Variants in UGT8 observed in about 807,000 individuals in gnomAD.
UGT8 encodes UDP glycosyltransferase 8, also known as 2-hydroxyacylsphingosine 1-beta-galactosyltransferase.
A neutral mutation model predicts 40.5 loss-of-function variants in UGT8; 12 were observed. The ratio of observed to expected loss-of-function variants is 0.30; its 90% CI spans 0.19 to 0.48. UGT8 has a LOEUF of 0.48. UGT8 is among the 20% of genes least tolerant of loss of function. The probability of loss-of-function intolerance (pLI) is 0.99; values close to 1 mark genes in which losing one functional copy is unlikely to be tolerated. For missense variants in UGT8, 513 were observed against 648.7 expected (o/e 0.79, Z 2.27); for synonymous variants, 224 against 240.4 (o/e 0.93, Z 0.63).
At chr4:114,622,252 A>G (rs1259111414) in intron 1 of UGT8, 8 of 151,006 alleles carry the variant, frequency 5.3e-5, no homozygotes, top group Non-Finnish European at 1.2e-4. Flanking sequence ...ATGATTTCCA[A>G]TTTCATCCAT....
chr4:114,648,184 G>A (rs1733691044), intron 2 of UGT8, among the ~76,000 whole-genome samples: 1 of 152,008 alleles, frequency 6.6e-6, no homozygotes, highest in African/African-American at 2.4e-5. Flanking sequence ...ACATATTTCA[G>A]CTTACTCAGA....
intron 1 of UGT8, among the ~76,000 whole-genome samples, chr4:114,601,107 A>G (rs182913886): frequency 6.6e-6 from 1 of 152,340 alleles, no homozygotes; most frequent in East Asian, 1.9e-4. Context: ...TTTTAAATCT[A>G]AGATTTCCAG....
At chr4:114,634,792 G>A (rs1732787165) in intron 2 of UGT8, among the ~76,000 whole-genome samples, 1 of 152,276 alleles carries the variant, frequency 6.6e-6, no homozygotes, top group African/African-American at 2.4e-5. Context: ...AATTGTGAGT[G>A]GGTCAGTGAT....
intron 3 of UGT8, chr4:114,665,383 GTTGTTTGT>G (rs745960770): frequency 8.1e-6 from 8 of 984,838 alleles, no homozygotes; most frequent in African/African-American, 1.7e-5. Context: ...TTATTTGTTT[GTTGTTTGT>G]TTGTTTGTTT....
At chr4:114,673,761 A>G (rs932224802) in intron 5 of UGT8, among the ~76,000 whole-genome samples, 15 of 152,170 alleles carry the variant, frequency 9.9e-5, no homozygotes, top group African/African-American at 3.1e-4. Context: ...TTGTATTTTA[A>G]AGATACTCCT....
chr4:114,600,626 A>G (rs1013666377), intron 1 of UGT8, among the ~76,000 whole-genome samples: 3 of 152,198 alleles, frequency 2.0e-5, no homozygotes, highest in Admixed American at 6.5e-5. Context: ...TATTAAGCCC[A>G]GTACCCAATG....
chr4:114,662,590 T>G (rs952137644), intron 2 of UGT8, among the ~76,000 whole-genome samples: 1 of 152,192 alleles, frequency 6.6e-6, no homozygotes, highest in Admixed American at 6.5e-5. Context: ...AGGATGTACC[T>G]CCTTTCTGTC....
intron 5 of UGT8, among the ~76,000 whole-genome samples, chr4:114,674,084 AT>A (rs1165382258): frequency 6.6e-6 from 1 of 152,162 alleles, no homozygotes; most frequent in Non-Finnish European, 1.5e-5. Flanking sequence ...TTAAAACTTA[AT>A]GTTTAGGTCT....
At chr4:114,632,737 T>C (rs962627312) in intron 2 of UGT8, among the ~76,000 whole-genome samples, 13 of 152,210 alleles carry the variant, frequency 8.5e-5, no homozygotes, top group African/African-American at 2.9e-4. Context: ...GGATCTCAGG[T>C]CAGTCAACTT....
chr4:114,641,075 C>G (rs1733196377), intron 2 of UGT8, among the ~76,000 whole-genome samples: 1 of 152,142 alleles, frequency 6.6e-6, no homozygotes, highest in Admixed American at 6.5e-5. Context: ...TCAAAAAAAG[C>G]TGGCAGGCAA....
chr4:114,631,494 A>G (rs1468924902), intron 2 of UGT8, among the ~76,000 whole-genome samples: 1 of 152,250 alleles, frequency 6.6e-6, no homozygotes, highest in African/African-American at 2.4e-5. Flanking sequence ...CTCAACAAAA[A>G]CAACAATAAA....
intron 3 of UGT8, 45 bp from the exon 4 acceptor site, chr4:114,665,635 T>A (rs757588571): frequency 6.6e-7 from 1 of 1,519,716 alleles, no homozygotes; most frequent in Non-Finnish European, 8.9e-7. Context: ...ATACTATGAG[T>A]AAGGTTTGAT....
chr4:114,648,294 G>A (rs1169113940), intron 2 of UGT8, among the ~76,000 whole-genome samples: 2 of 151,732 alleles, frequency 1.3e-5, no homozygotes, highest in African/African-American at 4.8e-5. Flanking sequence ...GGAAGGAGGG[G>A]TTGTAAATGC....
chr4:114,660,035 C>G (rs1734419837), intron 2 of UGT8, among the ~76,000 whole-genome samples: 1 of 152,080 alleles, frequency 6.6e-6, no homozygotes. Context: ...GTTACTCTTT[C>G]CTTCAGAATA....
At chr4:114,618,943 G>A (rs1330943919) in intron 1 of UGT8, among the ~76,000 whole-genome samples, 1 of 151,946 alleles carries the variant, frequency 6.6e-6, no homozygotes, top group Non-Finnish European at 1.5e-5. Flanking sequence ...ATTCCAATAG[G>A]CTTCCTACAC....
intron 2 of UGT8, among the ~76,000 whole-genome samples, chr4:114,637,117 G>T (rs1359361577): frequency 6.6e-6 from 1 of 152,138 alleles, no homozygotes; most frequent in Non-Finnish European, 1.5e-5. Context: ...GGTTCCAGAG[G>T]ATTAGGAGGA....
intron 1 of UGT8, among the ~76,000 whole-genome samples, chr4:114,613,024 A>C (rs1189954779): frequency 6.6e-6 from 1 of 152,164 alleles, no homozygotes; most frequent in African/African-American, 2.4e-5. Flanking sequence ...ATAGTAAGGG[A>C]TATTTTAAAT....
intron 1 of UGT8, among the ~76,000 whole-genome samples, chr4:114,618,931 G>T (rs1326671514): frequency 6.6e-6 from 1 of 151,922 alleles, no homozygotes; most frequent in Non-Finnish European, 1.5e-5. Flanking sequence ...TTTATTCAGG[G>T]AATTCCAATA....
intron 2 of UGT8, among the ~76,000 whole-genome samples, chr4:114,625,814 G>A (rs549109637): frequency 2.0e-5 from 3 of 152,074 alleles, no homozygotes; most frequent in Non-Finnish European, 2.9e-5. Context: ...TTTGGTGCTC[G>A]ACATAAGGTA....
Sources: allele counts gnomAD v4.1 joint callset (sites outside exome capture counted in the v4.1 genomes callset), GRCh38; gene constraint gnomAD v4.1.1; transcripts MANE v1.5; gene names NCBI Gene and HGNC (gene_info 2026-07-23, HGNC 2026-07-21).